The following ZNF77 variants were observed in gnomAD, a reference collection of about 807,000 sequenced individuals.
ZNF77 encodes zinc finger protein 77.
A neutral mutation model predicts 13.5 loss-of-function variants in ZNF77; 15 were observed. The ratio of observed to expected loss-of-function variants is 1.11; its 90% CI spans 0.74 to 1.71. ZNF77 has a LOEUF of 1.71. ZNF77 is among the 40% of genes most tolerant of loss of function. The probability of loss-of-function intolerance (pLI) is 0.00; values close to 1 mark genes in which losing one functional copy is unlikely to be tolerated. For synonymous variants in ZNF77, 282 were observed against 250.0 expected (o/e 1.13, Z -1.21); for missense variants, 717 against 676.4 (o/e 1.06, Z -0.67).
Position 2,934,487 on chromosome 19 carries a change from A to G in ZNF77, c.640T>C (p.Cys214Arg). Residue 214 changes from cysteine to arginine, a missense_variant, in exon 4 of 4, where the codon TGT (cysteine) becomes CGT (arginine). Transcript: ENST00000314531. ...KSLSSKKSYE[C>R]QKCGKAFICP... The stretch of plus-strand genomic sequence containing the variant: ...ATGAAAGCTTTTCCACATTTCTGAC[A>G]TTCATAAGACTTTTTACTGCTGAGA... 6.2e-7 allele frequency: 1 copy of G among 1,614,214 alleles called. No homozygotes were observed. The highest frequency in any genetic ancestry group is 8.5e-7 in the Non-Finnish European group (1 of 1,180,044).
At chr19:2,939,009 G>A (rs1258135384) in intron 2 of ZNF77, among the ~76,000 whole-genome samples, 1 of 106,812 alleles carries the variant, frequency 9.4e-6, no homozygotes, top group East Asian at 2.2e-4. Flanking sequence ...TCTCCAGGAC[G>A]CAGTGAGGGA....
rs2088359443 is a variant in ZNF77, at chr19:2,933,290, A to T, written c.*199T>A. On this transcript the variant is annotated 3_prime_UTR_variant, in exon 4 of 4. Coordinates refer to ENST00000314531, the MANE Select transcript of ZNF77 (RefSeq NM_021217.3). ...ATACACTAGAAATTAATACAAAAGGAATCACTATTAAGGCTGAGGCATGTA... is the reference window on the plus strand; with the variant it reads ...ATACACTAGAAATTAATACAAAAGGTATCACTATTAAGGCTGAGGCATGTA... 4.3e-6 allele frequency: 2 copies of T among 467,690 alleles called. No individual in the cohort carries two copies. The highest frequency in any genetic ancestry group is 1.4e-4 in the South Asian group (2 of 14,664). The allele number at this position is 467,690 out of a possible 1,614,324, so 29.0% of individuals were successfully genotyped here. A position where few individuals can be genotyped will look rare whatever the true frequency, so the allele number is the denominator to read the frequency against.
chr19:2,942,247 T>G (rs1160221062), intron 1 of ZNF77, among the ~76,000 whole-genome samples: 1 of 151,932 alleles, frequency 6.6e-6, no homozygotes, highest in Non-Finnish European at 1.5e-5. Context: ...AATTTTGATA[T>G]TTTTAGTAGA....
intron 1 of ZNF77, 111 bp from the exon 2 acceptor site, chr19:2,939,518 C>T: frequency 3.3e-6 from 5 of 1,498,348 alleles, no homozygotes; most frequent in Non-Finnish European, 4.5e-6. Flanking sequence ...AGCTTATGTC[C>T]TTGTGAGAGG....
In ZNF77 at chr19:2,933,806, A is replaced by G. The variant is rs1381072665; in HGVS notation, c.1321T>C (p.Cys441Arg). Residue 441 changes from cysteine to arginine, a missense_variant, in exon 4 of 4, where the codon TGT (cysteine) becomes CGT (arginine). Coordinates refer to ENST00000314531, the MANE Select transcript of ZNF77 (RefSeq NM_021217.3). ...GAGTGACAGCTGAAGGCTTTCCCAC[A>G]ATGCTTACACTCAAAGGGCTTCTCT... Reference protein sequence around the residue: ...TGEKPFECKHCGKAFSCHSSL... With the variant: ...TGEKPFECKHRGKAFSCHSSL... The G allele has an allele frequency of 1.2e-6, 2 of 1,613,176 alleles. No homozygotes were observed. The highest frequency in any genetic ancestry group is 1.7e-5 in the Admixed American group (1 of 59,970).
intron 1 of ZNF77, chr19:2,939,644 C>T: frequency 1.9e-6 from 1 of 513,666 alleles, no homozygotes; most frequent in Non-Finnish European, 3.5e-6. Context: ...TGAGAAACGG[C>T]AGGTATGAGG....
intron 3 of ZNF77, among the ~76,000 whole-genome samples, chr19:2,936,041 A>T (rs936291478): frequency 8.6e-5 from 13 of 151,334 alleles, no homozygotes; most frequent in Admixed American, 5.9e-4. Context: ...TAAATAAAAT[A>T]AAAATAAAAT....
In ZNF77 at chr19:2,944,828, C is replaced by T. The variant is rs796672622; in HGVS notation, c.3+10G>A. On this transcript the variant is annotated intron_variant, in intron 1 of 3. Coordinates refer to ENST00000314531, the MANE Select transcript of ZNF77 (RefSeq NM_021217.3). ...CCTGGGCCCGGGCTCGGCTCCCGCC[C>T]GGCACTCACCATGTCCCGCCCGCTC... is the stretch of plus-strand genomic sequence containing the variant. 13 of 1,522,674 alleles carry T rather than the reference C, an allele frequency of 8.5e-6. No individual in the cohort carries two copies. The African/African-American group carries it at 1.7e-4, about 20-fold the overall frequency. 94.3% of individuals were successfully genotyped at this position (1,522,674 alleles called of 1,614,324 possible). A position where few individuals can be genotyped will look rare whatever the true frequency, so the allele number is the denominator to read the frequency against.
chr19:2,944,968 G>C lies in ZNF77; in HGVS notation c.-128C>G, dbSNP rs1276882422. On this transcript the variant is annotated 5_prime_UTR_variant, in exon 1 of 4. Transcript: ENST00000314531. The stretch of plus-strand genomic sequence containing the variant: ...AGCGCGCAAGGCAGAGGGGAACTCG[G>C]CTTACCGTCCTCGGGGTCTGATTGG... 1 of 1,236,838 alleles carries C rather than the reference G, an allele frequency of 8.1e-7. No individual in the cohort carries two copies. Among genetic ancestry groups the C allele is most frequent in the African/African-American group, 1.6e-5 (1 of 63,698 alleles). 76.6% of individuals were successfully genotyped at this position (1,236,838 alleles called of 1,614,324 possible).
chr19:2,939,494 A>T (rs1047921605), intron 1 of ZNF77, 87 bp from the exon 2 acceptor site: 249 of 1,566,752 alleles, frequency 1.6e-4, no homozygotes, highest in Non-Finnish European at 2.1e-4. Flanking sequence ...AGCCTGGGGA[A>T]CTGAGCCACA....
chr19:2,934,253 C>T lies in ZNF77; in HGVS notation c.874G>A (p.Gly292Arg). 1 of 1,613,554 alleles carries T rather than the reference C, an allele frequency of 6.2e-7. No individual in the cohort carries two copies. Among genetic ancestry groups the T allele is most frequent in the Non-Finnish European group, 8.5e-7 (1 of 1,179,588 alleles). ...TGCTTACATTCATACGGTTTCTCTC[C>T]AGTGTGTGTTCTGACATGTTCTCGA... ...YFREHVRTHT[G>R]EKPYECKHCG... is the part of the protein sequence containing the mutation. Residue 292 changes from glycine to arginine, a missense_variant, in exon 4 of 4, where the codon GGA (glycine) becomes AGA (arginine). Physicochemically the swap from Gly to Arg is moderately radical, Grantham distance 125. Transcript: ENST00000314531.
rs994998444 is a variant in ZNF77 at position 2,936,292 on chromosome 19, C to G, written c.311+232G>C. Among the ~76,000 whole-genome samples, 5 of 151,974 alleles carry G rather than the reference C, an allele frequency of 3.3e-5. 1 individual carries two copies. The highest frequency in any genetic ancestry group is 7.4e-5 in the Non-Finnish European group (5 of 67,988). ...CCTCCTGAGTAGATGGGATTACAGG[C>G]ATGAGCCACCACGCCCAGCTAATGT... On this transcript the variant is annotated intron_variant, in intron 3 of 3. Coordinates refer to ENST00000314531, the MANE Select transcript of ZNF77 (RefSeq NM_021217.3).
chr19:2,942,001 G>A (rs761114595), intron 1 of ZNF77, among the ~76,000 whole-genome samples: 1 of 151,744 alleles, frequency 6.6e-6, no homozygotes, highest in Non-Finnish European at 1.5e-5. Context: ...GGCAGTGGCA[G>A]AAGGCAAAGA....
chr19:2,942,677 C>T (rs1164403436), intron 1 of ZNF77, among the ~76,000 whole-genome samples: 3 of 152,072 alleles, frequency 2.0e-5, no homozygotes, highest in African/African-American at 7.2e-5. Context: ...GAAACCCCGT[C>T]CTGCTGTGCT....
At position 2,934,673 on chromosome 19, in the gene ZNF77, C is replaced by G. The variant is rs1287133586; in HGVS notation, c.454G>C (p.Glu152Gln). 1 of 1,613,946 alleles carries G rather than the reference C, an allele frequency of 6.2e-7. No homozygotes were observed. The change falls in exon 4 of 4, where the codon GAG becomes CAG. Residue 152 changes from glutamate (E) to glutamine (Q), a missense_variant. Transcript: ENST00000314531. ...CCAGTGTGAGATCTCTGCCGATTCT[C>G]GAAGGCTTTGCCACACTTAGTGCAC... ...SECTKCGKAF[E>Q]NRQRSHTGQR...
intron 1 of ZNF77, among the ~76,000 whole-genome samples, chr19:2,944,270 C>G (rs1277242385): frequency 1.4e-5 from 2 of 146,490 alleles, no homozygotes; most frequent in Non-Finnish European, 3.0e-5. Flanking sequence ...CTGCTGTCCC[C>G]TCGAGCTGCC....
intron 1 of ZNF77, among the ~76,000 whole-genome samples, 200 bp downstream of exon 1, chr19:2,944,638 C>A (rs1457310960): frequency 6.6e-6 from 1 of 152,206 alleles, no homozygotes; most frequent in Non-Finnish European, 1.5e-5. Flanking sequence ...CCCTCGAGCC[C>A]CTGACCGCTT....
rs1387677288 is a variant in ZNF77, at chr19:2,944,805, T to C, written c.3+33A>G. On this transcript the variant is annotated intron_variant, in intron 1 of 3. Transcript: ENST00000314531. ...CGGTTCCTGCCGCCCCACCTCGCCC[T>C]GGGCCCGGGCTCGGCTCCCGCCCGG... The C allele has an allele frequency of 2.6e-6, 4 of 1,510,846 alleles. No homozygotes were observed. The East Asian group carries it at 1.0e-4, about 39-fold the overall frequency. 93.6% of individuals were successfully genotyped at this position (1,510,846 alleles called of 1,614,324 possible).
chr19:2,941,903 C>T (rs2088452048), intron 1 of ZNF77, among the ~76,000 whole-genome samples: 1 of 152,190 alleles, frequency 6.6e-6, no homozygotes, highest in Non-Finnish European at 1.5e-5. Context: ...GTGCGCCTTT[C>T]CCCTCATCCT....
Sources: allele counts gnomAD v4.1 joint callset (sites outside exome capture counted in the v4.1 genomes callset), GRCh38; gene constraint gnomAD v4.1.1; transcripts MANE v1.5; gene names NCBI Gene and HGNC (gene_info 2026-07-23, HGNC 2026-07-21).